AGBL4: variants seen among roughly 807,000 people sequenced by gnomAD.
AGBL4 encodes the protein AGBL carboxypeptidase 4, also known as cytosolic carboxypeptidase 6.
In AGBL4, 58 loss-of-function variants were observed where a neutral mutation model predicts 66.4. The observed-to-expected ratio is 0.87, with a 90% confidence interval of 0.71 to 1.09. The LOEUF (loss-of-function observed/expected upper bound fraction) is 1.09. Among genes scored for constraint, AGBL4 ranks in the 50% least tolerant of loss-of-function variants. AGBL4 has a pLI of 0.00. For synonymous variants in AGBL4, 234 were observed against 222.9 expected, an observed-to-expected ratio of 1.05 and a Z score of -0.44; for missense variants, 579 against 631.0, an observed-to-expected ratio of 0.92 and a Z score of 0.88.
At chr1:49,234,505 T>C (rs915763364) in intron 4 of AGBL4, among the ~76,000 whole-genome samples, 1 of 152,196 alleles carries the variant, frequency 6.6e-6, no homozygotes, top group Non-Finnish European at 1.5e-5. Flanking sequence ...TAAAAGAGCA[T>C]TGGTGTACAG....
At chr1:49,732,351 A>C (rs1031755996) in intron 2 of AGBL4, among the ~76,000 whole-genome samples, 12 of 152,212 alleles carry the variant, frequency 7.9e-5, no homozygotes, top group African/African-American at 2.4e-4. Context: ...AAAGAACCTA[A>C]ACTACAAAAA....
At chr1:48,657,364 G>A (rs1557859408) in intron 7 of AGBL4, among the ~76,000 whole-genome samples, 1 of 152,164 alleles carries the variant, frequency 6.6e-6, no homozygotes, top group South Asian at 2.1e-4. Context: ...TGTTCCAGCC[G>A]AAAAAAACCT....
chr1:49,042,201 G>A (rs1224552617), intron 5 of AGBL4, among the ~76,000 whole-genome samples: 1 of 151,970 alleles, frequency 6.6e-6, no homozygotes, highest in Non-Finnish European at 1.5e-5. Context: ...AGTAGGACAG[G>A]AGTTTCAAAC....
chr1:49,371,244 GATAGATACATAC>G (rs1553190351), intron 3 of AGBL4, among the ~76,000 whole-genome samples: 8,307 of 141,670 alleles, frequency 0.059, 259 homozygotes, highest in African/African-American at 0.08. Flanking sequence ...TAGATAGATA[GATAGATACATAC>G]ATACATACAT....
At chr1:48,659,849 T>G (rs116651458) in intron 7 of AGBL4, among the ~76,000 whole-genome samples, 4,063 of 152,338 alleles carry the variant, frequency 0.027, 170 homozygotes, top group African/African-American at 0.089. Context: ...TTTAGTATTT[T>G]CTCTATTCCA....
chr1:48,832,698 T>G (rs1646582282), intron 6 of AGBL4, among the ~76,000 whole-genome samples: 1 of 152,192 alleles, frequency 6.6e-6, no homozygotes, highest in African/African-American at 2.4e-5. Flanking sequence ...TGGATGAGAT[T>G]AATATTCAAT....
At chr1:49,289,697 A>G (rs1374689101) in intron 3 of AGBL4, among the ~76,000 whole-genome samples, 1 of 152,194 alleles carries the variant, frequency 6.6e-6, no homozygotes, top group Non-Finnish European at 1.5e-5. Context: ...ATTTAAAAAC[A>G]TGTAGGATGT....
rs1044591656 is a variant in AGBL4, at chr1:48,619,771, G to C, written c.951+14722C>G. 5.3e-5 allele frequency among the ~76,000 whole-genome samples: 8 copies of C among 152,180 alleles called. No individual in the cohort carries two copies. The South Asian group carries it at 1.0e-3, about 20-fold the overall frequency. ...GAGTTTAAAGCAAAGCTTTGCCCTTGAAGTGCCCTGTAGGATCAGCCGGTG... is the reference window on the plus strand; with the variant it reads ...GAGTTTAAAGCAAAGCTTTGCCCTTCAAGTGCCCTGTAGGATCAGCCGGTG... On this transcript the variant is annotated intron_variant, in intron 9 of 13. Transcript: ENST00000371839.
intron 1 of AGBL4, among the ~76,000 whole-genome samples, chr1:49,999,251 T>C (rs1301600334): frequency 6.6e-6 from 1 of 150,972 alleles, no homozygotes; most frequent in Non-Finnish European, 1.5e-5. Context: ...AAAATTAATG[T>C]ACACAAACAG....
chr1:49,939,521 C>T (rs556265106), intron 1 of AGBL4, among the ~76,000 whole-genome samples: 1 of 151,562 alleles, frequency 6.6e-6, no homozygotes, highest in East Asian at 1.9e-4. Context: ...ATCAATGGAA[C>T]AGAACAGAGC....
chr1:49,602,125 A>T (rs2124168777), intron 3 of AGBL4, among the ~76,000 whole-genome samples: 1 of 152,346 alleles, frequency 6.6e-6, no homozygotes, highest in Admixed American at 6.5e-5. Flanking sequence ...AGAGAAATGC[A>T]ATTGAAAACC....
chr1:48,609,094 C>T (rs1332300792), intron 9 of AGBL4, among the ~76,000 whole-genome samples: 1 of 152,098 alleles, frequency 6.6e-6, no homozygotes, highest in Non-Finnish European at 1.5e-5. Flanking sequence ...CAGACACAGG[C>T]AGACAAGACA....
intron 4 of AGBL4, among the ~76,000 whole-genome samples, chr1:49,194,739 T>G (rs1647193369): frequency 6.6e-6 from 1 of 152,210 alleles, no homozygotes; most frequent in Non-Finnish European, 1.5e-5. Context: ...ACAGTTTACT[T>G]TTTTGTGGAG....
intron 2 of AGBL4, among the ~76,000 whole-genome samples, chr1:49,713,318 G>C (rs1275024000): frequency 6.6e-6 from 1 of 151,858 alleles, no homozygotes; most frequent in African/African-American, 2.4e-5. Context: ...AGCTTACAGG[G>C]GCTGAAAAGT....
At chr1:49,620,015 A>T (rs1436800293) in intron 3 of AGBL4, among the ~76,000 whole-genome samples, 1 of 152,194 alleles carries the variant, frequency 6.6e-6, no homozygotes, top group Admixed American at 6.5e-5. Flanking sequence ...AACCATAAAA[A>T]CCCTAGAAGA....
intron 3 of AGBL4, among the ~76,000 whole-genome samples, chr1:49,672,938 A>AG (rs1282775319): frequency 2.0e-5 from 3 of 150,074 alleles, no homozygotes; most frequent in African/African-American, 4.9e-5. Flanking sequence ...AAAAAAAAAA[A>AG]AAAGAAAAGA....
At chr1:49,678,526 A>C (rs925775262) in intron 3 of AGBL4, among the ~76,000 whole-genome samples, 19 of 151,864 alleles carry the variant, frequency 1.3e-4, no homozygotes, top group Non-Finnish European at 7.4e-5. Context: ...TCTTTATATG[A>C]TTTCTTTGAA....
At chr1:48,562,938 C>T (rs1258741467) in intron 11 of AGBL4, among the ~76,000 whole-genome samples, 1 of 152,174 alleles carries the variant, frequency 6.6e-6, no homozygotes, top group Non-Finnish European at 1.5e-5. Context: ...TGGCAGAATA[C>T]AACCAAATTC....
rs1019366940 is a variant in AGBL4, at chr1:49,107,700, A to T, written c.378-61900T>A. On this transcript the variant is annotated intron_variant, in intron 4 of 13. Transcript: ENST00000371839. ...GTGTGTGTGTGTGTGTGTGTGAGAG[A>T]GAGAGAGAGAGAGAGAGAGAGAGAG... Among the ~76,000 whole-genome samples the T allele has an allele frequency of 7.1e-3, 384 of 53,752 alleles. 3 individuals carry two copies. Among genetic ancestry groups the T allele is most frequent in the Non-Finnish European group, 0.011 (153 of 13,638 alleles). The allele number at this position is 53,752 out of a possible 152,430, so 35.3% of individuals were successfully genotyped here.
Sources: allele counts gnomAD v4.1 joint callset (sites outside exome capture counted in the v4.1 genomes callset), GRCh38; gene constraint gnomAD v4.1.1; transcripts MANE v1.5; gene names NCBI Gene and HGNC (gene_info 2026-07-23, HGNC 2026-07-21).